The following STARD8 variants were observed in gnomAD, a reference collection of about 807,000 sequenced individuals.
The protein encoded by STARD8 is stAR-related lipid transfer protein 8.
STARD8 carries 25 observed loss-of-function variants against 69.4 expected under a neutral mutation model. The ratio of observed to expected loss-of-function variants is 0.36; its 90% CI spans 0.26 to 0.50. STARD8 has a LOEUF of 0.50. Among genes scored for constraint, STARD8 ranks in the 20% least tolerant of loss-of-function variants. The pLI, the probability that STARD8 is intolerant of heterozygous loss-of-function variation, is 0.96. For synonymous variants in STARD8, 389 were observed against 374.6 expected (o/e 1.04, Z -0.45); for missense variants, 921 against 932.5 (o/e 0.99, Z 0.16).
intron 2 of STARD8, among the ~76,000 whole-genome samples, chrX:68,706,159 G>T (rs2080004923): frequency 8.9e-6 from 1 of 112,186 alleles, no homozygotes; most frequent in Non-Finnish European, 1.9e-5. Context: ...AGGTGCAGCA[G>T]GGCCCTGAGT....
At chrX:68,715,409 A>G (rs779831558) in intron 4 of STARD8, 34 bp downstream of exon 4, 1 of 1,141,688 alleles carries the variant, frequency 8.8e-7, no homozygotes. Flanking sequence ...TGGGAAGCCA[A>G]AGGCCTGGCT....
Position 68,719,282 on chromosome X carries a change from G to A in STARD8, c.1773G>A (p.Ser591=), listed in dbSNP as rs1319097306. The A allele has an allele frequency of 6.6e-6, 8 of 1,208,406 alleles. No individual in the cohort carries two copies. The highest frequency in any genetic ancestry group is 2.3e-4 in the Middle Eastern group (1 of 4,331). ...NSHRPSLNSE[S]LEINRQFAGQ... is the part of the protein sequence containing the mutation. The stretch of plus-strand genomic sequence containing the variant: ...ATCGTCCCAGCCTCAACTCAGAGTC[G>A]CTGGAGATCAACCGGCAGTTTGCAG... The change falls in exon 7 of 15, where the codon TCG becomes TCA. Residue 591 remains serine, a synonymous_variant. Transcript: ENST00000374599.
At chrX:68,652,864 CA>C (rs1232966242) in intron 1 of STARD8, among the ~76,000 whole-genome samples, 1 of 12,386 alleles carries the variant, frequency 8.1e-5, no homozygotes, top group African/African-American at 3.6e-4. Context: ...ACACCACACA[CA>C]CACACACCCA....
intron 1 of STARD8, among the ~76,000 whole-genome samples, chrX:68,658,717 A>C (rs2079626127): frequency 8.9e-6 from 1 of 112,416 alleles, no homozygotes; most frequent in Admixed American, 9.4e-5. Context: ...TAACAATAAC[A>C]AGGAGCAGCA....
chrX:68,684,004 A>G (rs2079815700), intron 2 of STARD8, among the ~76,000 whole-genome samples: 1 of 112,478 alleles, frequency 8.9e-6, no homozygotes, highest in African/African-American at 3.2e-5. Context: ...AATGATGATG[A>G]TATATATACT....
chrX:68,718,241 C>T lies in STARD8; in HGVS notation c.1327C>T (p.Gln443Ter), dbSNP rs773910081. Residue 443 changes from glutamine (Q) to a stop codon, truncating the protein, a stop_gained, in exon 6 of 15, where the codon CAG becomes TAG. Transcript: ENST00000374599. LOFTEE classifies it high-confidence loss of function. ...CAAATGCCAAGCTGAGGCTCTCAGC[C>T]AGATGGAGGTTCCGGCCCATGGAGA... ...EVKCQAEALS[Q>*]MEVPAHGESP... 1 of 1,209,692 alleles carries T rather than the reference C, an allele frequency of 8.3e-7. No individual in the cohort carries two copies. The highest frequency in any genetic ancestry group is 1.8e-5 in the African/African-American group (1 of 57,107).
chrX:68,718,152 TGGGGCCTGGAGATGAGGAAGAGGA>T lies in STARD8; in HGVS notation c.1241_1264del (p.Gly414_Glu421del), dbSNP rs1487835962. ...TGGTCTCGGGCCATGTACCCAGACC[TGGGGCCTGGAGATGAGGAAGAGGA>T]GGAGGCCACTTCATCAGTAGAAATA... On this transcript the variant is annotated inframe_deletion, in exon 6 of 15. Coordinates refer to ENST00000374599, the MANE Select transcript of STARD8 (RefSeq NM_001142503.3). 1 of 1,211,656 alleles carries T rather than the reference TGGGGCCTGGAGATGAGGAAGAGGA, an allele frequency of 8.3e-7. No homozygotes were observed.
At chrX:68,667,537 C>A (rs1423222383) in intron 2 of STARD8, among the ~76,000 whole-genome samples, 2 of 111,784 alleles carry the variant, frequency 1.8e-5, no homozygotes, top group African/African-American at 6.5e-5. Context: ...TTTCAAAATT[C>A]AAGAGGTACA....
intron 9 of STARD8, 79 bp downstream of exon 9, chrX:68,721,201 C>T (rs754985844): frequency 5.8e-4 from 619 of 1,076,390 alleles, no homozygotes; most frequent in Non-Finnish European, 7.7e-4. Flanking sequence ...GAAGATAAAC[C>T]TGGTGCAGGC....
At chrX:68,693,873 G>A (rs1602580269) in intron 2 of STARD8, 6 of 729,078 alleles carry the variant, frequency 8.2e-6, no homozygotes, top group Non-Finnish European at 9.7e-6. Flanking sequence ...AAACGGGGGC[G>A]CCTGGGGCTC....
intron 1 of STARD8, among the ~76,000 whole-genome samples, chrX:68,658,514 GA>G (rs201423374): frequency 2.1e-3 from 233 of 109,653 alleles, no homozygotes; most frequent in Non-Finnish European, 3.8e-3. Context: ...CAGGCCAAAT[GA>G]AAAAAAAATG....
chrX:68,668,094 T>TTTC (rs1569355348), intron 2 of STARD8, among the ~76,000 whole-genome samples: 1 of 98,762 alleles, frequency 1.0e-5, no homozygotes, highest in East Asian at 3.2e-4. Flanking sequence ...TCTTTCTTTC[T>TTTC]TTCTTTCTTT....
intron 2 of STARD8, among the ~76,000 whole-genome samples, chrX:68,688,517 G>A (rs1357951068): frequency 9.0e-6 from 1 of 110,776 alleles, no homozygotes; most frequent in East Asian, 2.8e-4. Flanking sequence ...TGAATGGGAA[G>A]GAAGAGCCTC....
At position 68,668,349 on chromosome X, in the gene STARD8, A is replaced by G. The variant is rs191294891; in HGVS notation, c.79+2817A>G. 5.9e-3 allele frequency among the ~76,000 whole-genome samples: 500 copies of G among 85,453 alleles called. 2 individuals are homozygous for G. The highest frequency in any genetic ancestry group is 8.9e-3 in the Non-Finnish European group (416 of 46,930). The allele number at this position is 85,453 out of a possible 115,157, so 74.2% of individuals were successfully genotyped here. A position where few individuals can be genotyped will look rare whatever the true frequency, so the allele number is the denominator to read the frequency against. On this transcript the variant is annotated intron_variant, in intron 2 of 14. Coordinates refer to ENST00000374599, the MANE Select transcript of STARD8 (RefSeq NM_001142503.3). ...CTTCCTTCCTTTTTTTTTCTATGAG[A>G]CACGGTCTCTGTCACTCAGGCTGAA...
intron 1 of STARD8, among the ~76,000 whole-genome samples, chrX:68,651,085 C>T (rs2079545622): frequency 8.9e-6 from 1 of 112,568 alleles, no homozygotes; most frequent in African/African-American, 3.2e-5. Context: ...AGTGCACATT[C>T]CTAGCATGAT....
chrX:68,700,368 G>A (rs1370268560), intron 2 of STARD8, among the ~76,000 whole-genome samples: 2 of 112,307 alleles, frequency 1.8e-5, no homozygotes, highest in Non-Finnish European at 3.8e-5. Context: ...CTCCAGTGAG[G>A]GAGGATTTGG....
Position 68,647,796 on chromosome X carries a change from C to T in STARD8, c.-87C>T. 9.0e-7 allele frequency: 1 copy of T among 1,112,981 alleles called. No homozygotes were observed. The highest frequency in any genetic ancestry group is 1.2e-6 in the Non-Finnish European group (1 of 828,517). 91.7% of individuals were successfully genotyped at this position (1,112,981 alleles called of 1,213,427 possible). Reference sequence around the variant, plus strand: ...GACCGGGCTGGCTCTCGCCGAGCCCCGGGCCTCTTTTAGCCTCGTCCCCAG... The same window carrying T: ...GACCGGGCTGGCTCTCGCCGAGCCCTGGGCCTCTTTTAGCCTCGTCCCCAG... On this transcript the variant is annotated 5_prime_UTR_variant, in exon 1 of 15. Transcript: ENST00000374599.
chrX:68,699,170 TC>T (rs763967162), intron 2 of STARD8, among the ~76,000 whole-genome samples: 22 of 111,532 alleles, frequency 2.0e-4, no homozygotes, highest in Non-Finnish European at 3.2e-4. Context: ...GCTCCTGGGA[TC>T]CTAGGTCCCT....
intron 2 of STARD8, among the ~76,000 whole-genome samples, chrX:68,709,943 C>T (rs1338908342): frequency 8.9e-6 from 1 of 112,160 alleles, no homozygotes; most frequent in Non-Finnish European, 1.9e-5. Context: ...ATACAACTCG[C>T]CCAAAGTCAA....
Sources: allele counts gnomAD v4.1 joint callset (sites outside exome capture counted in the v4.1 genomes callset), GRCh38; gene constraint gnomAD v4.1.1; transcripts MANE v1.5; gene names NCBI Gene and HGNC (gene_info 2026-07-23, HGNC 2026-07-21).